CSPP1: variants seen among roughly 807,000 people sequenced by gnomAD.
CSPP1 encodes centrosome and spindle pole-associated protein 1.
Under a neutral mutation model 164.4 loss-of-function variants are expected in CSPP1, and 126 were observed. The ratio of observed to expected loss-of-function variants is 0.77; its 90% CI spans 0.66 to 0.89. CSPP1 has a LOEUF of 0.89. Ranked by LOEUF, CSPP1 falls within the 40% of genes least tolerant of loss-of-function variation. The probability of loss-of-function intolerance (pLI) is 0.00; values close to 1 mark genes in which losing one functional copy is unlikely to be tolerated. For synonymous variants in CSPP1, 472 were observed against 476.7 expected (o/e 0.99, Z 0.13); for missense variants, 1,395 against 1,449.8 (o/e 0.96, Z 0.61).
chr8:67,131,386 CAA>C (rs1013391471), intron 15 of CSPP1, among the ~76,000 whole-genome samples: 1 of 150,742 alleles, frequency 6.6e-6, no homozygotes, highest in African/African-American at 2.4e-5. Flanking sequence ...GACCCTGTCC[CAA>C]AAAAAACCAA....
chr8:67,133,459 C>T (rs993568577), intron 16 of CSPP1: 6 of 152,190 alleles, frequency 3.9e-5, no homozygotes, highest in African/African-American at 1.4e-4. Flanking sequence ...TTACACTATA[C>T]TGTGGTCTAT....
intron 12 of CSPP1, 47 bp from the exon 13 acceptor site, chr8:67,115,867 A>G (rs1285474605): frequency 1.3e-6 from 2 of 1,495,436 alleles, no homozygotes; most frequent in Middle Eastern, 1.9e-4. Context: ...TTCCACCTTT[A>G]AACTTATGAT....
At chr8:67,092,021 C>T (rs778576600) in intron 5 of CSPP1, 138 bp downstream of exon 5, 3 of 260,794 alleles carry the variant, frequency 1.2e-5, no homozygotes, top group Non-Finnish European at 2.3e-5. Context: ...TTTCAAAAAT[C>T]CGTGGAGTCA....
intron 16 of CSPP1, 140 bp from the exon 17 acceptor site, chr8:67,137,316 T>G: frequency 1.8e-6 from 1 of 543,114 alleles, no homozygotes; most frequent in Non-Finnish European, 3.1e-6. Context: ...TTAACCTTTG[T>G]AGGGGGGTAC....
At chr8:67,102,370 T>C (rs1385304498) in intron 7 of CSPP1, among the ~76,000 whole-genome samples, 1 of 152,126 alleles carries the variant, frequency 6.6e-6, no homozygotes, top group Admixed American at 6.5e-5. Context: ...AGGCGGGAGA[T>C]CACAAGGTTA....
chr8:67,118,487 T>C, intron 14 of CSPP1, 118 bp downstream of exon 14: 1 of 1,027,222 alleles, frequency 9.7e-7, no homozygotes, highest in Non-Finnish European at 1.5e-6. Context: ...AATTCAGATG[T>C]TATATATTGA....
chr8:67,072,532 A>G (rs1807032236), intron 1 of CSPP1, among the ~76,000 whole-genome samples: 2 of 152,222 alleles, frequency 1.3e-5, no homozygotes, highest in African/African-American at 2.4e-5. Flanking sequence ...TTACAATTCA[A>G]TGGTAATAAA....
chr8:67,128,399 C>T (rs1586339211), intron 15 of CSPP1, among the ~76,000 whole-genome samples: 1 of 151,886 alleles, frequency 6.6e-6, no homozygotes, highest in East Asian at 1.9e-4. Context: ...ATTAGCTGGG[C>T]GTGGTGGCAC....
intron 4 of CSPP1, among the ~76,000 whole-genome samples, chr8:67,091,362 T>A (rs1030494518): frequency 6.6e-6 from 1 of 152,236 alleles, no homozygotes; most frequent in African/African-American, 2.4e-5. Flanking sequence ...TTTCAGTAGA[T>A]ATTCACTCAC....
chr8:67,158,960 T>C, intron 20 of CSPP1, 31 bp from the exon 21 acceptor site: 1 of 1,531,702 alleles, frequency 6.5e-7, no homozygotes, highest in Non-Finnish European at 8.9e-7. Context: ...AAGGAATATA[T>C]GGAATGCATA....
At position 67,195,768 on chromosome 8, in the gene CSPP1, T is replaced by TATTG. The variant is rs1178779453; in HGVS notation, c.*179_*182dup. 3.4e-6 allele frequency: 2 copies of TATTG among 591,926 alleles called. No individual in the cohort carries two copies. Among genetic ancestry groups the TATTG allele is most frequent in the Admixed American group, 3.1e-5 (1 of 32,726 alleles). The allele number at this position is 591,926 out of a possible 1,614,324, so 36.7% of individuals were successfully genotyped here. ...ATGTACATAAATAAAAGGCCATGAT[T>TATTG]ATTGATTTATATAATAGAATTGTAT... On this transcript the variant is annotated 3_prime_UTR_variant, in exon 31 of 31. Coordinates refer to ENST00000678616, the MANE Select transcript of CSPP1 (RefSeq NM_001382391.1).
intron 21 of CSPP1, 26 bp downstream of exon 21, chr8:67,159,163 C>G: frequency 6.3e-7 from 1 of 1,585,470 alleles, no homozygotes; most frequent in Non-Finnish European, 8.6e-7. Flanking sequence ...AAATGTCAAT[C>G]AAACCCATAG....
At chr8:67,154,661 T>C (rs1225411817) in intron 19 of CSPP1, among the ~76,000 whole-genome samples, 1 of 152,048 alleles carries the variant, frequency 6.6e-6, no homozygotes, top group Non-Finnish European at 1.5e-5. Flanking sequence ...CCGCCACACC[T>C]GACCAATTTT....
Position 67,175,354 on chromosome 8 carries a change from C to T in CSPP1, c.3027C>T (p.His1009=). ...FMYLDPPRDH[H]TLEIQQQALL... The stretch of plus-strand genomic sequence containing the variant: ...ACCTGGATCCTCCAAGAGATCATCA[C>T]ACCTTAGAGATTCAGCAGCAAGCCC... Residue 1009 remains histidine, a synonymous_variant, in exon 26 of 31, where the codon CAC becomes CAT. Transcript: ENST00000678616. The T allele has an allele frequency of 1.2e-6, 2 of 1,613,566 alleles. No individual in the cohort carries two copies. The highest frequency in any genetic ancestry group is 1.1e-5 in the South Asian group (1 of 91,080).
intron 17 of CSPP1, among the ~76,000 whole-genome samples, chr8:67,143,376 TGTA>T (rs1386692723): frequency 6.6e-6 from 1 of 152,034 alleles, no homozygotes; most frequent in Non-Finnish European, 1.5e-5. Flanking sequence ...ACTATAGTAA[TGTA>T]GTAATATTAT....
At chr8:67,081,636 A>G (rs1809207843) in intron 3 of CSPP1, among the ~76,000 whole-genome samples, 1 of 152,242 alleles carries the variant, frequency 6.6e-6, no homozygotes, top group Admixed American at 6.5e-5. Flanking sequence ...TATTAACAAT[A>G]ATCAATATTG....
chr8:67,151,512 CT>C (rs1825686606), intron 18 of CSPP1, among the ~76,000 whole-genome samples: 1 of 152,088 alleles, frequency 6.6e-6, no homozygotes, highest in Non-Finnish European at 1.5e-5. Context: ...CTTTCGCTAT[CT>C]TAGTAATAAC....
chr8:67,181,383 G>GAAGAT (rs1833000826), intron 28 of CSPP1, among the ~76,000 whole-genome samples: 1 of 146,400 alleles, frequency 6.8e-6, no homozygotes, highest in Non-Finnish European at 1.5e-5. Context: ...CCTTTCCAAG[G>GAAGAT]AAGATGCACT....
In CSPP1 at chr8:67,118,216, G is replaced by A. The variant is rs530634988; in HGVS notation, c.1497-32G>A. 112 of 1,608,608 alleles carry A rather than the reference G, an allele frequency of 7.0e-5. No homozygotes were observed. The South Asian group carries it at 1.0e-3, about 15-fold the overall frequency. On this transcript the variant is annotated intron_variant, in intron 13 of 30. Coordinates refer to ENST00000678616, the MANE Select transcript of CSPP1 (RefSeq NM_001382391.1). ...TTTTTAAAAAATTGCAATGAAATAT[G>A]AGAGGAATTTTTCATCTTTCTTTTC...
Sources: gnomAD v4.1 joint callset for allele counts (sites outside exome capture counted in the v4.1 genomes callset) on GRCh38, gnomAD v4.1.1 for gene constraint, MANE v1.5 for transcripts, NCBI Gene and HGNC (gene_info 2026-07-23, HGNC 2026-07-21) for gene names.